PPP1R12A: variants seen among roughly 807,000 people sequenced by gnomAD.
The protein encoded by PPP1R12A is myosin binding subunit.
PPP1R12A carries 19 observed loss-of-function variants against 139.6 expected under a neutral mutation model. The ratio of observed to expected loss-of-function variants is 0.14; its 90% CI spans 0.09 to 0.20. The LOEUF (loss-of-function observed/expected upper bound fraction) is 0.20, where lower values mean the gene tolerates loss of function less well. Among genes scored for constraint, PPP1R12A ranks in the 10% least tolerant of loss-of-function variants. The probability of loss-of-function intolerance (pLI) is 1.00; values close to 1 mark genes in which losing one functional copy is unlikely to be tolerated. For missense variants in PPP1R12A, 925 were observed against 1,211.5 expected (o/e 0.76, Z 3.51); for synonymous variants, 427 against 420.6 (o/e 1.02, Z -0.19).
chr12:79,865,723 T>C (rs1881888300), intron 2 of PPP1R12A, among the ~76,000 whole-genome samples: 1 of 152,142 alleles, frequency 6.6e-6, no homozygotes, highest in South Asian at 2.1e-4. Context: ...TCACAATTGC[T>C]ACTAAGAGAA....
chr12:79,820,997 C>G lies in PPP1R12A; in HGVS notation c.957-66G>C, dbSNP rs1246200013. ...AAGGTTAAAATATATTCATTCTTCC[C>G]AGATCCACAATAATCATGCCTGTGG... On this transcript the variant is annotated intron_variant, in intron 7 of 24. Transcript: ENST00000450142. The G allele has an allele frequency of 2.5e-6, 4 of 1,598,682 alleles. No homozygotes were observed. The African/African-American group carries it at 4.0e-5, about 16-fold the overall frequency.
chr12:79,788,774 G>A lies in PPP1R12A; in HGVS notation c.2676C>T (p.Thr892=), dbSNP rs1351953861. The A allele has an allele frequency of 6.2e-7, 1 of 1,601,414 alleles. No individual in the cohort carries two copies. ...ATCGATCACCAGCTGATGTAGAACT[G>A]GTTTCATATCTTCAAAAGATTAATT... The part of the protein sequence containing the change: ...TQTDSISRYE[T]SSTSAGDRYD... Residue 892 remains threonine, a synonymous_variant, in exon 21 of 25, where the codon ACC becomes ACT. Coordinates refer to ENST00000450142, the MANE Select transcript of PPP1R12A (RefSeq NM_002480.3).
At position 79,820,922 on chromosome 12, in the gene PPP1R12A, C is replaced by A. The variant is rs1451852020; in HGVS notation, c.966G>T (p.Thr322=). The A allele has an allele frequency of 6.2e-7, 1 of 1,613,112 alleles. No homozygotes were observed. Among genetic ancestry groups the A allele is most frequent in the African/African-American group, 1.3e-5 (1 of 74,990 alleles). Reference sequence around the variant, plus strand: ...CATTTTTCTCTGGTTCAATAATCAACGTCTCTTTGCTGTTAAAGGAAAACA... The same window carrying A: ...CATTTTTCTCTGGTTCAATAATCAAAGTCTCTTTGCTGTTAAAGGAAAACA... ...QSQKTFKNKE[T]LIIEPEKNAS... The change falls in exon 8 of 25, where the codon ACG becomes ACT. Residue 322 remains threonine (T), a synonymous_variant. Coordinates refer to ENST00000450142, the MANE Select transcript of PPP1R12A (RefSeq NM_002480.3).
At chr12:79,928,991 T>C (rs901883671) in intron 1 of PPP1R12A, among the ~76,000 whole-genome samples, 6 of 152,240 alleles carry the variant, frequency 3.9e-5, no homozygotes, top group African/African-American at 1.4e-4. Context: ...AATTCTACTT[T>C]GTATTCCTCT....
At chr12:79,794,486 TTAAG>T (rs1196007942) in intron 18 of PPP1R12A, among the ~76,000 whole-genome samples, 3 of 151,928 alleles carry the variant, frequency 2.0e-5, no homozygotes, top group African/African-American at 7.2e-5. Flanking sequence ...TTTCATGTAA[TTAAG>T]TAATTAGTAA....
At chr12:79,791,984 C>T (rs1454472060) in intron 19 of PPP1R12A, among the ~76,000 whole-genome samples, 1 of 152,092 alleles carries the variant, frequency 6.6e-6, no homozygotes, top group South Asian at 2.1e-4. Context: ...GTAAAAATAT[C>T]TTTTTAAAGA....
chr12:79,794,827 T>G (rs943769398), intron 18 of PPP1R12A, among the ~76,000 whole-genome samples: 1 of 152,084 alleles, frequency 6.6e-6, no homozygotes, highest in African/African-American at 2.4e-5. Flanking sequence ...TACTGCTACA[T>G]AAAATAGCAT....
intron 1 of PPP1R12A, among the ~76,000 whole-genome samples, chr12:79,929,907 T>A (rs1383513518): frequency 1.3e-5 from 2 of 152,156 alleles, no homozygotes; most frequent in Non-Finnish European, 2.9e-5. Context: ...ATGCGAAGGT[T>A]TCAAAAATAT....
chr12:79,790,959 G>A (rs1464069956), intron 19 of PPP1R12A, among the ~76,000 whole-genome samples: 1 of 151,960 alleles, frequency 6.6e-6, no homozygotes, highest in South Asian at 2.1e-4. Flanking sequence ...AAAATTACTA[G>A]GTTACTTTTG....
At chr12:79,786,555 C>A in intron 21 of PPP1R12A, 77 bp from the exon 22 acceptor site, 1 of 955,490 alleles carries the variant, frequency 1.0e-6, no homozygotes. Context: ...GATTACTTTG[C>A]AATATTAAAA....
Position 79,795,160 on chromosome 12 carries a change from G to C in PPP1R12A, c.2583+478C>G, listed in dbSNP as rs1306430605. ...GGAAACAAAATCAATGAATAGCAAT[G>C]TCAGGCCTACAATCAAGGACCAGGA... On this transcript the variant is annotated intron_variant, in intron 18 of 24. Transcript: ENST00000450142. Among the ~76,000 whole-genome samples, 3 of 152,206 alleles carry C rather than the reference G, an allele frequency of 2.0e-5. No individual in the cohort carries two copies. The South Asian group carries it at 6.2e-4, about 31-fold the overall frequency.
intron 3 of PPP1R12A, among the ~76,000 whole-genome samples, chr12:79,835,451 G>A (rs1877957586): frequency 6.6e-6 from 1 of 152,032 alleles, no homozygotes; most frequent in Admixed American, 6.6e-5. Flanking sequence ...CTATGGAGAA[G>A]CCTGACTAAT....
chr12:79,827,764 A>G (rs1876967729), intron 5 of PPP1R12A, among the ~76,000 whole-genome samples: 1 of 152,028 alleles, frequency 6.6e-6, no homozygotes, highest in African/African-American at 2.4e-5. Flanking sequence ...CAACTGAACT[A>G]TTTTCTCATC....
chr12:79,920,399 C>T lies in PPP1R12A; in HGVS notation c.237+14296G>A, dbSNP rs115515022. On this transcript the variant is annotated intron_variant, in intron 1 of 24. Coordinates refer to ENST00000450142, the MANE Select transcript of PPP1R12A (RefSeq NM_002480.3). Reference sequence around the variant, plus strand: ...CTAAGAGTAGAACTGCTGGGTCATACGGTAACTCTGTTTAACCTTTTGAGA... The same window carrying T: ...CTAAGAGTAGAACTGCTGGGTCATATGGTAACTCTGTTTAACCTTTTGAGA... Among the ~76,000 whole-genome samples, 836 of 152,266 alleles carry T rather than the reference C, an allele frequency of 5.5e-3. 5 individuals carry two copies. Among genetic ancestry groups the T allele is most frequent in the African/African-American group, 0.019 (787 of 41,556 alleles).
At chr12:79,889,925 G>A (rs140825489) in intron 1 of PPP1R12A, among the ~76,000 whole-genome samples, 3 of 152,078 alleles carry the variant, frequency 2.0e-5, no homozygotes, top group African/African-American at 7.2e-5. Flanking sequence ...TCTTTTATAA[G>A]AGCACTAATT....
rs547432679 is a variant in PPP1R12A, at chr12:79,915,869, T to A, written c.237+18826A>T. Among the ~76,000 whole-genome samples the A allele has an allele frequency of 2.6e-5, 4 of 152,176 alleles. No homozygotes were observed. In the East Asian group the frequency reaches 7.7e-4, roughly 29 times the overall value. ...CTATTAGTGAGCCTAATCCTGATAA[T>A]ATTCACGCCAAATTTTTGTCATGTT... On this transcript the variant is annotated intron_variant, in intron 1 of 24. Coordinates refer to ENST00000450142, the MANE Select transcript of PPP1R12A (RefSeq NM_002480.3).
At chr12:79,785,786 ACCTAT>A (rs1257856983) in intron 22 of PPP1R12A, among the ~76,000 whole-genome samples, 2 of 152,078 alleles carry the variant, frequency 1.3e-5, no homozygotes, top group African/African-American at 2.4e-5. Context: ...GAGAAGATGT[ACCTAT>A]TCCTGTCTCC....
At chr12:79,886,816 CA>C (rs1884147717) in intron 1 of PPP1R12A, among the ~76,000 whole-genome samples, 1 of 152,084 alleles carries the variant, frequency 6.6e-6, no homozygotes, top group Non-Finnish European at 1.5e-5. Context: ...CTAGAAACCA[CA>C]AATATCCAAA....
intron 8 of PPP1R12A, 94 bp from the exon 9 acceptor site, chr12:79,817,612 G>GT: frequency 7.9e-7 from 1 of 1,268,090 alleles, no homozygotes; most frequent in African/African-American, 1.5e-5. Context: ...TTTGTTTAAG[G>GT]TTTTGTTAAC....
Sources: allele counts gnomAD v4.1 joint callset (sites outside exome capture counted in the v4.1 genomes callset), GRCh38; gene constraint gnomAD v4.1.1; transcripts MANE v1.5; gene names NCBI Gene and HGNC (gene_info 2026-07-23, HGNC 2026-07-21).